HIPK3: variants seen among roughly 807,000 people sequenced by gnomAD.
HIPK3 encodes the protein homeodomain interacting protein kinase 3, also known as homeodomain-interacting protein kinase 3.
In HIPK3, 47 loss-of-function variants were observed where a neutral mutation model predicts 124.2. That is an observed-to-expected ratio of 0.38 (90% CI 0.30 to 0.48). The LOEUF (loss-of-function observed/expected upper bound fraction) is 0.48, where lower values mean the gene tolerates loss of function less well. Among genes scored for constraint, HIPK3 ranks in the 20% least tolerant of loss-of-function variants. HIPK3 has a pLI of 0.98. For synonymous variants in HIPK3, 482 were observed against 515.2 expected (o/e 0.94, Z 0.87); for missense variants, 1,286 against 1,454.3 (o/e 0.88, Z 1.88).
intron 8 of HIPK3, among the ~76,000 whole-genome samples, chr11:33,342,166 A>G (rs1197317026): frequency 2.0e-5 from 3 of 151,654 alleles, no homozygotes; most frequent in African/African-American, 4.8e-5. Flanking sequence ...AGTGACACTC[A>G]TTTCTTGACT....
intron 1 of HIPK3, among the ~76,000 whole-genome samples, chr11:33,283,445 A>G (rs1175543272): frequency 6.6e-6 from 1 of 152,116 alleles, no homozygotes; most frequent in Non-Finnish European, 1.5e-5. Flanking sequence ...TTTCTCTTAC[A>G]GAGTGAACAT....
intron 2 of HIPK3, among the ~76,000 whole-genome samples, chr11:33,308,539 T>G (rs555625922): frequency 1.3e-5 from 2 of 151,972 alleles, no homozygotes; most frequent in Non-Finnish European, 2.9e-5. Context: ...TATGTCCTTT[T>G]CCCCCCTCTG....
chr11:33,309,790 A>G (rs556305459), intron 2 of HIPK3, among the ~76,000 whole-genome samples: 49 of 152,370 alleles, frequency 3.2e-4, no homozygotes, highest in Non-Finnish European at 2.2e-4. Flanking sequence ...AGTACACTGT[A>G]CTGCTAAACA....
intron 2 of HIPK3, among the ~76,000 whole-genome samples, chr11:33,304,506 G>A (rs79940880): frequency 1.3e-5 from 2 of 151,352 alleles, no homozygotes; most frequent in East Asian, 2.0e-4. Flanking sequence ...GCGGAGAGCC[G>A]AGATCATGCC....
intron 10 of HIPK3, 37 bp from the exon 11 acceptor site, chr11:33,347,815 A>G (rs1853542584): frequency 1.9e-6 from 3 of 1,613,362 alleles, no homozygotes; most frequent in Non-Finnish European, 2.5e-6. Flanking sequence ...TTAAAGAAAG[A>G]TCTTGATTAA....
At chr11:33,292,080 T>C (rs1565067601) in intron 2 of HIPK3, among the ~76,000 whole-genome samples, 1 of 152,150 alleles carries the variant, frequency 6.6e-6, no homozygotes. Flanking sequence ...TTACATAGGG[T>C]ACTTTATGAT....
At chr11:33,292,770 C>G (rs1248174841) in intron 2 of HIPK3, among the ~76,000 whole-genome samples, 1 of 152,130 alleles carries the variant, frequency 6.6e-6, no homozygotes, top group Non-Finnish European at 1.5e-5. Context: ...GAGTCTCGCT[C>G]TGTTGCCCAG....
rs1259791404 is a variant in HIPK3 at position 33,353,622 on chromosome 11, A to G, written c.*54A>G. The G allele has an allele frequency of 1.6e-6, 2 of 1,218,396 alleles. No individual in the cohort carries two copies. The highest frequency in any genetic ancestry group is 2.4e-6 in the Non-Finnish European group (2 of 838,972). 75.5% of individuals were successfully genotyped at this position (1,218,396 alleles called of 1,614,324 possible). A position where few individuals can be genotyped will look rare whatever the true frequency, so the allele number is the denominator to read the frequency against. On this transcript the variant is annotated 3_prime_UTR_variant, in exon 17 of 17. Transcript: ENST00000303296. ...TACAAACATTTGATTAAAAATAAAA[A>G]CATGGTATTTAATATTAGCCATGGC...
At chr11:33,272,906 T>C (rs1851173050) in intron 1 of HIPK3, among the ~76,000 whole-genome samples, 1 of 149,452 alleles carries the variant, frequency 6.7e-6, no homozygotes, top group African/African-American at 2.5e-5. Context: ...AGTGCAGTGG[T>C]AGGCACTATC....
chr11:33,279,324 CAAAAA>C lies in HIPK3; in HGVS notation c.-2-7069_-2-7065del, dbSNP rs869091127. Among the ~76,000 whole-genome samples, 696 of 77,538 alleles carry C rather than the reference CAAAAA, an allele frequency of 9.0e-3. 4 individuals carry two copies. Among genetic ancestry groups the C allele is most frequent in the African/African-American group, 0.029 (588 of 20,434 alleles). 50.9% of individuals were successfully genotyped at this position (77,538 alleles called of 152,430 possible). A position where few individuals can be genotyped will look rare whatever the true frequency, so the allele number is the denominator to read the frequency against. On this transcript the variant is annotated intron_variant, in intron 1 of 16. Transcript: ENST00000303296. ...GGCAACAGAGGGAGACTCTTTGTCT[CAAAAA>C]AAAAAAAAAAAAAAAAAAAGAGAAG...
chr11:33,295,117 G>A (rs751053605), intron 2 of HIPK3, among the ~76,000 whole-genome samples: 12 of 151,924 alleles, frequency 7.9e-5, no homozygotes, highest in Non-Finnish European at 1.8e-4. Context: ...AAACGAACCC[G>A]TAGAAAGTGA....
Position 33,339,492 on chromosome 11 carries a change from T to A in HIPK3, c.1571T>A (p.Phe524Tyr). 6.2e-7 allele frequency: 1 copy of A among 1,610,318 alleles called. No individual in the cohort carries two copies. Among genetic ancestry groups the A allele is most frequent in the Non-Finnish European group, 8.5e-7 (1 of 1,177,326 alleles). ...ITPAETLNHP[F>Y]VNMKHLLDFP... ...CCAGCTGAGACCCTGAACCATCCTT[T>A]TGTTAATATGAAACATCTTCTAGAT... The change falls in exon 6 of 17, where the codon TTT becomes TAT. Residue 524 changes from phenylalanine (F) to tyrosine (Y), a missense_variant. Coordinates refer to ENST00000303296, the MANE Select transcript of HIPK3 (RefSeq NM_005734.5).
At position 33,341,126 on chromosome 11, in the gene HIPK3, A is replaced by G; in HGVS notation, c.1772A>G (p.Gln591Arg). 1 of 1,581,218 alleles carries G rather than the reference A, an allele frequency of 6.3e-7. No homozygotes were observed. Among genetic ancestry groups the G allele is most frequent in the Non-Finnish European group, 8.6e-7 (1 of 1,167,182 alleles). ...ACTAAAATCGGAACATTAAGAAGTCAGGTAAGAATGTGTAGTAATTAATAA... is the reference window on the plus strand; with the variant it reads ...ACTAAAATCGGAACATTAAGAAGTCGGGTAAGAATGTGTAGTAATTAATAA... ...NFTKIGTLRS[Q>R]ALTTSAHSVV... The change falls in exon 7 of 17, where the codon CAG becomes CGG. Residue 591 changes from glutamine to arginine, a missense_variant and splice_region_variant. Gln to Arg is a conservative substitution (Grantham distance 43). Transcript: ENST00000303296.
At position 33,341,020 on chromosome 11, in the gene HIPK3, T is replaced by C. The variant is rs1303637315; in HGVS notation, c.1666T>C (p.Cys556Arg). ...TATTTGTAAGTCCCACCTAAATTCA[T>C]GTGACACAAATAATCACAACAAAAC... ...MDICKSHLNS[C>R]DTNNHNKTSL... Residue 556 changes from cysteine to arginine, a missense_variant, in exon 7 of 17, where the codon TGT becomes CGT. Cys to Arg is a radical substitution (Grantham distance 180). Transcript: ENST00000303296. 1.2e-6 allele frequency: 2 copies of C among 1,608,808 alleles called. No homozygotes were observed. The highest frequency in any genetic ancestry group is 1.1e-5 in the South Asian group (1 of 90,774).
chr11:33,313,164 TAAAC>T (rs566333450), intron 2 of HIPK3, among the ~76,000 whole-genome samples: 12 of 152,324 alleles, frequency 7.9e-5, no homozygotes, highest in South Asian at 4.1e-4. Flanking sequence ...GAGAAAATAT[TAAAC>T]AAACACCAAT....
At chr11:33,338,680 T>C in intron 4 of HIPK3, 77 bp from the exon 5 acceptor site, 2 of 766,738 alleles carry the variant, frequency 2.6e-6, no homozygotes, top group East Asian at 2.8e-5. Flanking sequence ...GAATATTTAA[T>C]ATATTAGACT....
At chr11:33,277,963 C>T (rs1213304519) in intron 1 of HIPK3, among the ~76,000 whole-genome samples, 1 of 152,176 alleles carries the variant, frequency 6.6e-6, no homozygotes, top group African/African-American at 2.4e-5. Flanking sequence ...TTCTTTAGAT[C>T]TCTTCTCAGT....
In HIPK3 at chr11:33,286,986, G is replaced by A. The variant is rs952298477; in HGVS notation, c.572G>A (p.Cys191Tyr). The stretch of plus-strand genomic sequence containing the variant: ...CAGTTAGTACAGCATGAAGTCTTAT[G>A]CTCCATGAAAAATACTTACGAAGTC... ...DYQLVQHEVL[C>Y]SMKNTYEVLD... The change falls in exon 2 of 17, where the codon TGC (cysteine) becomes TAC (tyrosine). Residue 191 changes from cysteine (C) to tyrosine (Y), a missense_variant. Transcript: ENST00000303296. 3.1e-6 allele frequency: 5 copies of A among 1,613,952 alleles called. No individual in the cohort carries two copies. In the African/African-American group the frequency reaches 6.7e-5, roughly 22 times the overall value.
chr11:33,338,404 T>C (rs917296431), intron 4 of HIPK3, among the ~76,000 whole-genome samples: 1 of 152,210 alleles, frequency 6.6e-6, no homozygotes, highest in Non-Finnish European at 1.5e-5. Flanking sequence ...CAGCTGATTT[T>C]TGTATTTTTA....
Sources: gnomAD v4.1 joint callset for allele counts (sites outside exome capture counted in the v4.1 genomes callset) on GRCh38, gnomAD v4.1.1 for gene constraint, MANE v1.5 for transcripts, NCBI Gene and HGNC (gene_info 2026-07-23, HGNC 2026-07-21) for gene names.